Variants in ROBO1 observed in about 807,000 individuals in gnomAD.
ROBO1 encodes roundabout homolog 1.
In ROBO1, 149 loss-of-function variants were observed where a neutral mutation model predicts 195.9. That is an observed-to-expected ratio of 0.76 (90% CI 0.67 to 0.87). The LOEUF is 0.87. Among genes scored for constraint, ROBO1 ranks in the 40% least tolerant of loss-of-function variants. The probability of loss-of-function intolerance (pLI) is 0.00; values close to 1 mark genes in which losing one functional copy is unlikely to be tolerated. For missense variants in ROBO1, 1,933 were observed against 2,068.3 expected, an observed-to-expected ratio of 0.93 and a Z score of 1.27; for synonymous variants, 816 against 733.2, an observed-to-expected ratio of 1.11 and a Z score of -1.82.
intron 3 of ROBO1, among the ~76,000 whole-genome samples, chr3:79,053,921 C>A (rs1027976055): frequency 3.3e-5 from 5 of 152,080 alleles, no homozygotes; most frequent in African/African-American, 1.2e-4. Context: ...TAAATCTTAC[C>A]TTTTTAAAAG....
Position 78,635,935 on chromosome 3 carries a change from T to A in ROBO1, c.3211A>T (p.Thr1071Ser), listed in dbSNP as rs1575814981. ...GRFVNPSGQP[T>S]PYATTQLIQS... ...ATGAGCTGAGTGGTGGCGTAAGGAGTAGGCTGCCCTGATGGATTGACAAAA... is the reference window on the plus strand; with the variant it reads ...ATGAGCTGAGTGGTGGCGTAAGGAGAAGGCTGCCCTGATGGATTGACAAAA... The change falls in exon 23 of 31, where the codon ACT becomes TCT. Residue 1071 changes from threonine to serine, a missense_variant. This residue lies in a region of ROBO1 where 1,737 missense variants were observed against 1,882.5 expected (regional missense o/e 0.92). Coordinates refer to ENST00000464233, the MANE Select transcript of ROBO1 (RefSeq NM_002941.4). 2 of 1,613,734 alleles carry A rather than the reference T, an allele frequency of 1.2e-6. No homozygotes were observed. Among genetic ancestry groups the A allele is most frequent in the Admixed American group, 1.7e-5 (1 of 59,982 alleles).
chr3:79,223,025 A>T (rs2082168523), intron 2 of ROBO1, among the ~76,000 whole-genome samples: 1 of 152,162 alleles, frequency 6.6e-6, no homozygotes, highest in Non-Finnish European at 1.5e-5. Context: ...GCAAATGGTA[A>T]ACTTAGCATG....
intron 21 of ROBO1, among the ~76,000 whole-genome samples, chr3:78,643,388 T>C (rs1353250263): frequency 6.6e-6 from 1 of 152,178 alleles, no homozygotes; most frequent in Non-Finnish European, 1.5e-5. Flanking sequence ...CATCACCTTA[T>C]GTTACGCACT....
At chr3:79,629,443 A>G (rs1289703911) in intron 1 of ROBO1, among the ~76,000 whole-genome samples, 1 of 152,100 alleles carries the variant, frequency 6.6e-6, no homozygotes, top group Non-Finnish European at 1.5e-5. Context: ...TTTTAAAATG[A>G]ATGAAAATAC....
intron 2 of ROBO1, among the ~76,000 whole-genome samples, chr3:79,305,185 A>G (rs2033159290): frequency 6.6e-6 from 1 of 152,134 alleles, no homozygotes; most frequent in South Asian, 2.1e-4. Context: ...TCCTTCCTCT[A>G]TGTTTAAAAA....
chr3:79,209,184 C>T (rs2081926778), intron 2 of ROBO1, among the ~76,000 whole-genome samples: 1 of 152,040 alleles, frequency 6.6e-6, no homozygotes, highest in Admixed American at 6.6e-5. Context: ...ACACCAAGTC[C>T]CCAAAGTCCA....
chr3:79,665,029 G>A (rs1172154979), intron 1 of ROBO1, among the ~76,000 whole-genome samples: 10 of 151,872 alleles, frequency 6.6e-5, no homozygotes, highest in Admixed American at 5.3e-4. Context: ...GCCACATAAC[G>A]AGAAATGATG....
chr3:79,698,405 A>G (rs1390297226), intron 1 of ROBO1, among the ~76,000 whole-genome samples: 1 of 151,494 alleles, frequency 6.6e-6, no homozygotes, highest in Non-Finnish European at 1.5e-5. Flanking sequence ...ATATATCAGT[A>G]AGGTAAATGG....
chr3:79,181,162 G>A (rs1054646769), intron 2 of ROBO1, among the ~76,000 whole-genome samples: 2 of 151,982 alleles, frequency 1.3e-5, no homozygotes, highest in East Asian at 1.9e-4. Flanking sequence ...GGGAACCCAC[G>A]GACTGCACTA....
At chr3:78,670,522 C>T in intron 10 of ROBO1, 1 of 527,688 alleles carries the variant, frequency 1.9e-6, no homozygotes, top group East Asian at 3.3e-5. Flanking sequence ...CAGCCACTCA[C>T]TGAGCTGGCT....
At chr3:78,617,463 T>C (rs1207467201) in intron 27 of ROBO1, among the ~76,000 whole-genome samples, 172 bp downstream of exon 27, 2 of 149,360 alleles carry the variant, frequency 1.3e-5, no homozygotes, top group African/African-American at 2.5e-5. Flanking sequence ...AAGGGAATAA[T>C]CCAACTAAGT....
In ROBO1 at chr3:79,484,503, A is replaced by G. The variant is rs369982222; in HGVS notation, c.88+105321T>C. ...ATAAGGATTTCAGGCATATATATAT[A>G]TGTGTGTGTGTGTATATATGGTGAT... On this transcript the variant is annotated intron_variant, in intron 2 of 30. Coordinates refer to ENST00000464233, the MANE Select transcript of ROBO1 (RefSeq NM_002941.4). Among the ~76,000 whole-genome samples, 360 of 151,840 alleles carry G rather than the reference A, an allele frequency of 2.4e-3. 1 individual carries two copies. The highest frequency in any genetic ancestry group is 6.2e-3 in the African/African-American group (257 of 41,464).
chr3:79,532,388 T>C (rs1941695341), intron 2 of ROBO1, among the ~76,000 whole-genome samples: 1 of 152,242 alleles, frequency 6.6e-6, no homozygotes, highest in Non-Finnish European at 1.5e-5. Context: ...TTATGATGTT[T>C]ATATTTTTCT....
Position 78,803,578 on chromosome 3 carries a change from T to G in ROBO1, c.500-56678A>C, listed in dbSNP as rs966383249. Among the ~76,000 whole-genome samples, 3 of 152,284 alleles carry G rather than the reference T, an allele frequency of 2.0e-5. No individual in the cohort carries two copies. The South Asian group carries it at 6.2e-4, about 32-fold the overall frequency. On this transcript the variant is annotated intron_variant, in intron 4 of 30. Transcript: ENST00000464233. ...GCGAGTAAGTCGTCTTTTAATCTTC[T>G]AAACAACATTTTTAAAGACCATTGT...
At chr3:79,196,378 CAAGA>C (rs1225464913) in intron 2 of ROBO1, among the ~76,000 whole-genome samples, 2 of 144,384 alleles carry the variant, frequency 1.4e-5, no homozygotes, top group Non-Finnish European at 3.0e-5. Context: ...GCACACGCAC[CAAGA>C]GAGAGAGGGA....
At chr3:79,158,806 T>C (rs1371426268) in intron 2 of ROBO1, among the ~76,000 whole-genome samples, 1 of 151,946 alleles carries the variant, frequency 6.6e-6, no homozygotes, top group Non-Finnish European at 1.5e-5. Flanking sequence ...ATATGGGTTT[T>C]TGTATTTACT....
At chr3:79,266,447 C>T (rs1351573651) in intron 2 of ROBO1, among the ~76,000 whole-genome samples, 2 of 151,544 alleles carry the variant, frequency 1.3e-5, no homozygotes, top group Admixed American at 1.3e-4. Flanking sequence ...AAATATCCTT[C>T]TTAGCTACAG....
At chr3:78,983,874 A>G (rs1454244720) in intron 3 of ROBO1, among the ~76,000 whole-genome samples, 1 of 152,138 alleles carries the variant, frequency 6.6e-6, no homozygotes, top group Non-Finnish European at 1.5e-5. Context: ...GAAAGTGAGG[A>G]AGGCAAGCTT....
rs2077301362 is a variant in ROBO1, at chr3:78,994,060, A to C, written c.173-55133T>G. Among the ~76,000 whole-genome samples, 4 of 152,306 alleles carry C rather than the reference A, an allele frequency of 2.6e-5. No individual in the cohort carries two copies. The South Asian group carries it at 8.3e-4, about 32-fold the overall frequency. ...GAAGTTTCTCATGAGAGGCCTCAAC[A>C]AATCTAGTCATTTCAGCCAAATTGA... On this transcript the variant is annotated intron_variant, in intron 3 of 30. Coordinates refer to ENST00000464233, the MANE Select transcript of ROBO1 (RefSeq NM_002941.4).
Sources: allele counts gnomAD v4.1 joint callset (sites outside exome capture counted in the v4.1 genomes callset), GRCh38; gene constraint gnomAD v4.1.1; regional missense constraint gnomAD v4.1.1; transcripts MANE v1.5; gene names NCBI Gene and HGNC (gene_info 2026-07-23, HGNC 2026-07-21).